Variants in MCCC2 observed in about 807,000 individuals in gnomAD.
MCCC2 encodes the protein methylcrotonyl-CoA carboxylase subunit 2.
In MCCC2, 52 loss-of-function variants were observed where a neutral mutation model predicts 77.2. The ratio of observed to expected loss-of-function variants is 0.67; its 90% CI spans 0.54 to 0.85. The LOEUF is 0.85. Among genes scored for constraint, MCCC2 ranks in the 40% least tolerant of loss-of-function variants. MCCC2 has a pLI of 0.00. For synonymous variants in MCCC2, 253 were observed against 248.4 expected, an observed-to-expected ratio of 1.02 and a Z score of -0.18; for missense variants, 682 against 703.2, an observed-to-expected ratio of 0.97 and a Z score of 0.34.
intron 7 of MCCC2, among the ~76,000 whole-genome samples, chr5:71,628,069 C>G (rs942365100): frequency 6.6e-6 from 1 of 152,148 alleles, no homozygotes; most frequent in Non-Finnish European, 1.5e-5. Context: ...GTTTTGAACT[C>G]CTGACCTCAG....
intron 6 of MCCC2, among the ~76,000 whole-genome samples, chr5:71,613,915 A>T (rs1162264233): frequency 6.6e-6 from 1 of 151,588 alleles, no homozygotes; most frequent in Non-Finnish European, 1.5e-5. Context: ...GAGACTCAAT[A>T]TATGATAACA....
intron 10 of MCCC2, among the ~76,000 whole-genome samples, chr5:71,639,047 T>C (rs1747030349): frequency 6.6e-6 from 1 of 152,224 alleles, no homozygotes; most frequent in Non-Finnish European, 1.5e-5. Flanking sequence ...AAAAATTCAT[T>C]AAACCATGCC....
At chr5:71,641,295 G>A (rs1747115715) in intron 11 of MCCC2, 1 of 552,474 alleles carries the variant, frequency 1.8e-6, no homozygotes, top group South Asian at 2.1e-5. Context: ...AGATGCTGTG[G>A]TGTGGGTCCC....
chr5:71,598,075 T>C (rs939764786), intron 3 of MCCC2, among the ~76,000 whole-genome samples: 11 of 148,246 alleles, frequency 7.4e-5, no homozygotes, highest in Admixed American at 6.7e-4. Flanking sequence ...GTGTTTCTTT[T>C]TTTTTTTTTT....
chr5:71,628,343 T>C (rs1228241071), intron 7 of MCCC2, among the ~76,000 whole-genome samples: 1 of 152,256 alleles, frequency 6.6e-6, no homozygotes, highest in African/African-American at 2.4e-5. Context: ...TTTACTTTCT[T>C]AGTGATGTCT....
At chr5:71,622,779 A>G (rs1168720659) in intron 6 of MCCC2, among the ~76,000 whole-genome samples, 1 of 152,186 alleles carries the variant, frequency 6.6e-6, no homozygotes, top group Non-Finnish European at 1.5e-5. Context: ...AGCTGGGATT[A>G]CAGGCATGTG....
At chr5:71,650,326 T>A (rs1747402477) in intron 15 of MCCC2, 143 bp downstream of exon 15, 2 of 681,546 alleles carry the variant, frequency 2.9e-6, no homozygotes, top group South Asian at 3.3e-5. Context: ...TAGACTGTGC[T>A]GCCCTGGAAG....
chr5:71,654,434 T>C (rs1383598378), intron 16 of MCCC2, among the ~76,000 whole-genome samples: 1 of 152,216 alleles, frequency 6.6e-6, no homozygotes, highest in Non-Finnish European at 1.5e-5. Flanking sequence ...GAGCTAAACA[T>C]GTTCCTGATT....
rs1426701149 is a variant in MCCC2 at position 71,649,166 on chromosome 5, T to C, written c.1286T>C (p.Val429Ala). Residue 429 changes from valine (V) to alanine (A), a missense_variant, in exon 14 of 17, where the codon GTG becomes GCG. Coordinates refer to ENST00000340941, the MANE Select transcript of MCCC2 (RefSeq NM_022132.5). The part of the protein sequence containing the change: ...AKDGAKMVAA[V>A]ACAQVPKITL... Reference sequence around the variant, plus strand: ...GATGGTGCCAAGATGGTGGCCGCTGTGGCCTGTGCCCAAGTGCCTAAGATA... The same window carrying C: ...GATGGTGCCAAGATGGTGGCCGCTGCGGCCTGTGCCCAAGTGCCTAAGATA... 6.2e-7 allele frequency: 1 copy of C among 1,614,212 alleles called. No homozygotes were observed. Among genetic ancestry groups the C allele is most frequent in the South Asian group, 1.1e-5 (1 of 91,080 alleles).
At chr5:71,641,158 C>A in intron 11 of MCCC2, 83 bp downstream of exon 11, 1 of 1,229,968 alleles carries the variant, frequency 8.1e-7, no homozygotes, top group Non-Finnish European at 1.2e-6. Context: ...CTTTGATACA[C>A]TTGACATGGG....
chr5:71,642,867 A>G (rs1268093667), intron 11 of MCCC2, among the ~76,000 whole-genome samples: 2 of 152,040 alleles, frequency 1.3e-5, no homozygotes, highest in African/African-American at 2.4e-5. Flanking sequence ...AGGTGTAGTG[A>G]CTACTGGGGC....
rs142534607 is a variant in MCCC2, at chr5:71,611,631, G to A, written c.624+7163G>A. 1.6e-3 allele frequency among the ~76,000 whole-genome samples: 249 copies of A among 152,126 alleles called. 2 individuals carry two copies. Among genetic ancestry groups the A allele is most frequent in the African/African-American group, 5.8e-3 (241 of 41,506 alleles). ...TATGTATGTAAAGGTTAAATACATC[G>A]AATCCTACTGTATATTATTTGTGTA... On this transcript the variant is annotated intron_variant, in intron 6 of 16. Transcript: ENST00000340941.
intron 3 of MCCC2, among the ~76,000 whole-genome samples, chr5:71,598,448 T>G (rs451229): frequency 2.0e-5 from 3 of 151,550 alleles, no homozygotes; most frequent in Non-Finnish European, 4.4e-5. Context: ...TAATTAATTA[T>G]TTATTTTTTG....
At chr5:71,644,139 A>AT (rs556992366) in intron 12 of MCCC2, among the ~76,000 whole-genome samples, 7 of 151,904 alleles carry the variant, frequency 4.6e-5, no homozygotes, top group Admixed American at 1.3e-4. Flanking sequence ...TTACATTAAC[A>AT]TGCTGTGACG....
In MCCC2 at chr5:71,587,516, C is replaced by G. The variant is rs1248946124; in HGVS notation, c.91C>G (p.Leu31Val). ...CTATCACGGGGACTCGGTGGCCTCGCTGGGCACCCAGCCGGACTTGGGCTC... is the reference window on the plus strand; with the variant it reads ...CTATCACGGGGACTCGGTGGCCTCGGTGGGCACCCAGCCGGACTTGGGCTC... ...RAYHGDSVASLGTQPDLGSAL... is the reference protein window; with the variant it reads ...RAYHGDSVASVGTQPDLGSAL... Residue 31 changes from leucine (L) to valine (V), a missense_variant, in exon 1 of 17, where the codon CTG becomes GTG. Leu to Val is a conservative substitution (Grantham distance 32). Coordinates refer to ENST00000340941, the MANE Select transcript of MCCC2 (RefSeq NM_022132.5). 6.5e-7 allele frequency: 1 copy of G among 1,538,314 alleles called. No individual in the cohort carries two copies. The highest frequency in any genetic ancestry group is 1.2e-5 in the South Asian group (1 of 84,090).
intron 6 of MCCC2, among the ~76,000 whole-genome samples, chr5:71,615,902 G>A (rs542374490): frequency 1.3e-5 from 2 of 152,268 alleles, no homozygotes; most frequent in South Asian, 4.2e-4. Flanking sequence ...TGGGCTCCTG[G>A]ATGGTGCTGG....
At chr5:71,637,724 C>T (rs1746977722) in intron 10 of MCCC2, among the ~76,000 whole-genome samples, 1 of 152,068 alleles carries the variant, frequency 6.6e-6, no homozygotes, top group African/African-American at 2.4e-5. Context: ...CAGGGTAGAA[C>T]TTTGTTTTTT....
chr5:71,591,805 T>A (rs1284636629), intron 1 of MCCC2, among the ~76,000 whole-genome samples: 1 of 152,098 alleles, frequency 6.6e-6, no homozygotes, highest in Non-Finnish European at 1.5e-5. Flanking sequence ...CAGGCTGGAG[T>A]ACAATGGCAC....
chr5:71,615,736 G>C (rs145486537), intron 6 of MCCC2, among the ~76,000 whole-genome samples: 1 of 152,094 alleles, frequency 6.6e-6, no homozygotes, highest in African/African-American at 2.4e-5. Context: ...CAGTTCCTCC[G>C]ACAGAGTTCC....
Sources: gnomAD v4.1 joint callset for allele counts (sites outside exome capture counted in the v4.1 genomes callset) on GRCh38, gnomAD v4.1.1 for gene constraint, MANE v1.5 for transcripts, NCBI Gene and HGNC (gene_info 2026-07-23, HGNC 2026-07-21) for gene names.